Variants in KDM2A observed in about 807,000 individuals in gnomAD.
The protein encoded by KDM2A is lysine demethylase 2A.
In KDM2A, 3 loss-of-function variants were observed where a neutral mutation model predicts 137.3. The ratio of observed to expected loss-of-function variants is 0.02; its 90% CI spans 0.01 to 0.06. The LOEUF is 0.06. KDM2A is among the 10% of genes least tolerant of loss of function. KDM2A has a pLI of 1.00. For synonymous variants in KDM2A, 512 were observed against 541.5 expected, an observed-to-expected ratio of 0.95 and a Z score of 0.76; for missense variants, 738 against 1,510.6, an observed-to-expected ratio of 0.49 and a Z score of 8.48.
intron 10 of KDM2A, among the ~76,000 whole-genome samples, chr11:67,222,059 C>CTTTTTTTTTTTT: frequency 9.1e-6 from 1 of 110,494 alleles, no homozygotes. Flanking sequence ...CTCTGTCATT[C>CTTTTTTTTTTTT]TTTTTTTTTT....
Position 67,217,944 on chromosome 11 carries a change from T to G in KDM2A, c.841+60T>G, listed in dbSNP as rs12420763. On this transcript the variant is annotated intron_variant, in intron 9 of 20. Transcript: ENST00000529006. ...TTTTTTTCCTTAATGAAAAAGAAAT[T>G]GATGGATTACCACCAAGAATAGTTA... The G allele has an allele frequency of 2.0e-4, 287 of 1,400,248 alleles. 3 individuals carry two copies. In the Admixed American group the frequency reaches 7.0e-3, roughly 34 times the overall value. 86.7% of individuals were successfully genotyped at this position (1,400,248 alleles called of 1,614,324 possible).
In KDM2A at chr11:67,209,784, C is replaced by T. The variant is rs1362430142; in HGVS notation, c.486+2096C>T. On this transcript the variant is annotated intron_variant, in intron 6 of 20. Transcript: ENST00000529006. Reference sequence around the variant, plus strand: ...AATTTAAAAATAACAGGATTGGCCACACACGTTGGCTCATGCCTGTAATTC... The same window carrying T: ...AATTTAAAAATAACAGGATTGGCCATACACGTTGGCTCATGCCTGTAATTC... Among the ~76,000 whole-genome samples, 20 of 152,292 alleles carry T rather than the reference C, an allele frequency of 1.3e-4. 2 individuals carry two copies. The South Asian group carries it at 4.1e-3, about 32-fold the overall frequency.
chr11:67,212,505 T>C (rs1218831062), intron 6 of KDM2A, among the ~76,000 whole-genome samples: 1 of 152,216 alleles, frequency 6.6e-6, no homozygotes, highest in East Asian at 1.9e-4. Context: ...CATGGAAGGC[T>C]ATGAGTTGTT....
chr11:67,155,961 C>T (rs927602696), intron 2 of KDM2A, among the ~76,000 whole-genome samples: 1 of 80,324 alleles, frequency 1.2e-5, no homozygotes, highest in African/African-American at 2.9e-5. Flanking sequence ...AAAAAAATCA[C>T]AGGAAGGGCG....
chr11:67,156,289 CAT>C (rs958155375), intron 2 of KDM2A, among the ~76,000 whole-genome samples: 1 of 145,860 alleles, frequency 6.9e-6, no homozygotes, highest in Non-Finnish European at 1.5e-5. Context: ...TATTTTATAA[CAT>C]ATGAAAGTAT....
chr11:67,149,473 T>C (rs898954138), intron 2 of KDM2A, among the ~76,000 whole-genome samples: 4 of 152,256 alleles, frequency 2.6e-5, no homozygotes, highest in Non-Finnish European at 5.9e-5. Context: ...TCTGATTTTT[T>C]AGTTATATAG....
At position 67,123,663 on chromosome 11, in the gene KDM2A, C is replaced by G. The variant is rs76258697; in HGVS notation, c.42+2305C>G. On this transcript the variant is annotated intron_variant, in intron 2 of 20. Coordinates refer to ENST00000529006, the MANE Select transcript of KDM2A (RefSeq NM_012308.3). ...GACTTTAAAGGAAGAGCCTTTCCAGCAAGCAAAACTTTTAACTGTTTTTTT... is the reference window on the plus strand; with the variant it reads ...GACTTTAAAGGAAGAGCCTTTCCAGGAAGCAAAACTTTTAACTGTTTTTTT... 7.4e-4 allele frequency among the ~76,000 whole-genome samples: 113 copies of G among 151,766 alleles called. No homozygotes were observed. In the East Asian group the frequency reaches 0.018, roughly 24 times the overall value.
At chr11:67,146,850 CA>C (rs1237700159) in intron 2 of KDM2A, among the ~76,000 whole-genome samples, 25 of 152,090 alleles carry the variant, frequency 1.6e-4, no homozygotes, top group Admixed American at 7.2e-4. Context: ...TTTCCTCCCT[CA>C]CTTTCGTGGA....
chr11:67,197,499 G>GT (rs1486037915), intron 5 of KDM2A, among the ~76,000 whole-genome samples: 1 of 152,180 alleles, frequency 6.6e-6, no homozygotes, highest in Non-Finnish European at 1.5e-5. Context: ...TTCTATCCAG[G>GT]TTTTTTAAAG....
chr11:67,219,057 AGCATTTGATGT>A (rs1858255740), intron 9 of KDM2A, among the ~76,000 whole-genome samples: 1 of 152,240 alleles, frequency 6.6e-6, no homozygotes, highest in African/African-American at 2.4e-5. Flanking sequence ...TTATGTGCTA[AGCATTTGATGT>A]GCATTTTCTC....
rs767525906 is a variant in KDM2A, at chr11:67,181,413, C to A, written c.260+15C>A. 2.1e-5 allele frequency: 34 copies of A among 1,597,590 alleles called. 1 individual carries two copies. The East Asian group carries it at 7.6e-4, about 36-fold the overall frequency. Reference sequence around the variant, plus strand: ...CTCGGAATAAAGTAAGTGTTTTCAGCCTGGCTGGATGTAGTTGCAAAATGG... The same window carrying A: ...CTCGGAATAAAGTAAGTGTTTTCAGACTGGCTGGATGTAGTTGCAAAATGG... On this transcript the variant is annotated intron_variant, in intron 4 of 20. Coordinates refer to ENST00000529006, the MANE Select transcript of KDM2A (RefSeq NM_012308.3).
At chr11:67,124,375 G>A (rs542249330) in intron 2 of KDM2A, among the ~76,000 whole-genome samples, 2 of 149,152 alleles carry the variant, frequency 1.3e-5, no homozygotes, top group East Asian at 2.0e-4. Flanking sequence ...GCAGTGGCAC[G>A]ATCTTGGCTC....
chr11:67,170,021 G>A (rs956200544), intron 2 of KDM2A, among the ~76,000 whole-genome samples: 2 of 152,120 alleles, frequency 1.3e-5, no homozygotes, highest in Admixed American at 6.5e-5. Context: ...CTCCCAGAGC[G>A]CTGTGATTAC....
intron 15 of KDM2A, among the ~76,000 whole-genome samples, chr11:67,246,341 C>G (rs1359656746): frequency 6.6e-6 from 1 of 152,112 alleles, no homozygotes; most frequent in Admixed American, 6.5e-5. Flanking sequence ...AGACCCAGTT[C>G]CTGTCCTCAT....
intron 13 of KDM2A, among the ~76,000 whole-genome samples, chr11:67,244,437 A>G (rs959444645): frequency 6.6e-6 from 1 of 152,184 alleles, no homozygotes; most frequent in Non-Finnish European, 1.5e-5. Context: ...TAGGAGTATA[A>G]TCTGAGAAGT....
At chr11:67,150,391 A>C (rs1465080645) in intron 2 of KDM2A, among the ~76,000 whole-genome samples, 2 of 152,216 alleles carry the variant, frequency 1.3e-5, no homozygotes, top group Admixed American at 6.5e-5. Context: ...GGGGGAAGAG[A>C]AGAGTAATTG....
At chr11:67,187,655 A>C (rs1332091203) in intron 5 of KDM2A, among the ~76,000 whole-genome samples, 1 of 151,426 alleles carries the variant, frequency 6.6e-6, no homozygotes, top group Admixed American at 6.6e-5. Flanking sequence ...ACTCACTGCA[A>C]CCTCTGTCTC....
chr11:67,133,454 G>A (rs539488626), intron 2 of KDM2A, among the ~76,000 whole-genome samples: 11 of 152,196 alleles, frequency 7.2e-5, no homozygotes, highest in Non-Finnish European at 1.6e-4. Context: ...CCAGGCTGGA[G>A]TGCAGTGGCC....
At chr11:67,169,761 T>TCTC (rs1856837974) in intron 2 of KDM2A, among the ~76,000 whole-genome samples, 1 of 41,778 alleles carries the variant, frequency 2.4e-5, no homozygotes, top group Non-Finnish European at 1.4e-4. Flanking sequence ...CTCTCTCTCT[T>TCTC]TTTTTTTTTT....
Sources: gnomAD v4.1 joint callset for allele counts (sites outside exome capture counted in the v4.1 genomes callset) on GRCh38, gnomAD v4.1.1 for gene constraint, MANE v1.5 for transcripts, NCBI Gene and HGNC (gene_info 2026-07-23, HGNC 2026-07-21) for gene names.